The following CABCOCO1 variants were observed in gnomAD, a reference collection of about 807,000 sequenced individuals.
The protein encoded by CABCOCO1 is ciliary-associated calcium-binding coiled-coil protein 1.
Under a neutral mutation model 35.7 loss-of-function variants are expected in CABCOCO1, and 28 were observed. The ratio of observed to expected loss-of-function variants is 0.78; its 90% CI spans 0.58 to 1.07. The LOEUF (loss-of-function observed/expected upper bound fraction) is 1.07, where lower values mean the gene tolerates loss of function less well. Among genes scored for constraint, CABCOCO1 ranks in the 50% least tolerant of loss-of-function variants. The pLI, the probability that CABCOCO1 is intolerant of heterozygous loss-of-function variation, is 0.00. For synonymous variants in CABCOCO1, 95 were observed against 100.1 expected (o/e 0.95, Z 0.30); for missense variants, 326 against 309.2 (o/e 1.05, Z -0.41).
At chr10:61,763,487 G>A (rs1842048986) in intron 7 of CABCOCO1, among the ~76,000 whole-genome samples, 1 of 151,958 alleles carries the variant, frequency 6.6e-6, no homozygotes, top group Admixed American at 6.6e-5. Context: ...CATTCAAAAT[G>A]AAATTATTTT....
At chr10:61,716,776 C>G (rs12764488) in intron 5 of CABCOCO1, among the ~76,000 whole-genome samples, 2,377 of 152,140 alleles carry the variant, frequency 0.016, 41 homozygotes, top group East Asian at 0.047. Context: ...TAATACCTCT[C>G]TCAAACTGCC....
intron 1 of CABCOCO1, among the ~76,000 whole-genome samples, chr10:61,672,244 T>C (rs1839382747): frequency 6.6e-6 from 1 of 152,190 alleles, no homozygotes; most frequent in East Asian, 1.9e-4. Flanking sequence ...TTACTTGTGT[T>C]CTTTTCTTCT....
At chr10:61,690,756 G>T (rs891620163) in intron 5 of CABCOCO1, 135 bp downstream of exon 5, 7 of 545,520 alleles carry the variant, frequency 1.3e-5, no homozygotes, top group African/African-American at 1.2e-4. Context: ...CTCGTAGTTT[G>T]CAAAAAGAAT....
At chr10:61,765,918 T>A in intron 7 of CABCOCO1, 21 bp from the exon 8 acceptor site, 1 of 1,606,242 alleles carries the variant, frequency 6.2e-7, no homozygotes, top group South Asian at 1.1e-5. Context: ...ATAACCACGT[T>A]TTTTATGATT....
intron 5 of CABCOCO1, among the ~76,000 whole-genome samples, chr10:61,702,937 A>C (rs376351794): frequency 1.4e-4 from 22 of 152,230 alleles, no homozygotes; most frequent in Admixed American, 5.2e-4. Context: ...AGGAAAAAAA[A>C]AACAACAACA....
At chr10:61,759,674 T>C (rs1461492342) in intron 5 of CABCOCO1, among the ~76,000 whole-genome samples, 1 of 152,014 alleles carries the variant, frequency 6.6e-6, no homozygotes, top group Non-Finnish European at 1.5e-5. Context: ...TGACATTAAG[T>C]GTATTAAACA....
intron 7 of CABCOCO1, among the ~76,000 whole-genome samples, chr10:61,762,636 C>T (rs1419048083): frequency 6.6e-6 from 1 of 152,060 alleles, no homozygotes; most frequent in African/African-American, 2.4e-5. Context: ...TCCTAGTAAA[C>T]TCCATGTGAG....
chr10:61,761,950 A>G (rs1331978631), intron 7 of CABCOCO1, among the ~76,000 whole-genome samples: 2 of 152,128 alleles, frequency 1.3e-5, no homozygotes, highest in Admixed American at 1.3e-4. Flanking sequence ...CCTCAGCTTA[A>G]TAAGGGGTGT....
At chr10:61,689,359 C>T (rs531337199) in intron 4 of CABCOCO1, among the ~76,000 whole-genome samples, 1 of 152,270 alleles carries the variant, frequency 6.6e-6, no homozygotes, top group Admixed American at 6.5e-5. Context: ...AATCAAAGTA[C>T]TGTCAAAAGC....
chr10:61,666,942 T>C (rs1589105874), intron 1 of CABCOCO1, among the ~76,000 whole-genome samples: 1 of 136,302 alleles, frequency 7.3e-6, no homozygotes. Context: ...TAAATATAAT[T>C]ATATATTATG....
At position 61,681,321 on chromosome 10, in the gene CABCOCO1, A is replaced by G. The variant is rs770179613; in HGVS notation, c.334+9A>G. 3 of 1,510,640 alleles carry G rather than the reference A, an allele frequency of 2.0e-6. No individual in the cohort carries two copies. Among genetic ancestry groups the G allele is most frequent in the Admixed American group, 4.1e-5 (2 of 49,122 alleles). 93.6% of individuals were successfully genotyped at this position (1,510,640 alleles called of 1,614,324 possible). On this transcript the variant is annotated intron_variant, in intron 3 of 7. Transcript: ENST00000648843. ...ACTTCAAAATCTTAAAAGTAAGTAC[A>G]CTATTTTCCTTTGAAGTAAAACAAA...
intron 7 of CABCOCO1, 130 bp downstream of exon 7, chr10:61,761,133 C>T (rs1373253796): frequency 1.1e-6 from 1 of 937,882 alleles, no homozygotes; most frequent in African/African-American, 1.7e-5. Flanking sequence ...AATTTAACAG[C>T]TTCACATAAT....
chr10:61,685,180 G>C (rs1839918875), intron 3 of CABCOCO1: 2 of 152,122 alleles, frequency 1.3e-5, no homozygotes, highest in African/African-American at 4.8e-5. Flanking sequence ...AAAAAAACTT[G>C]ATGTTTTACA....
intron 2 of CABCOCO1, among the ~76,000 whole-genome samples, chr10:61,678,509 T>C (rs1441279806): frequency 6.6e-6 from 1 of 152,064 alleles, no homozygotes; most frequent in African/African-American, 2.4e-5. Context: ...AAACTGACCA[T>C]ATTGACCTAA....
intron 5 of CABCOCO1, among the ~76,000 whole-genome samples, chr10:61,717,920 TAGCAGGGAAGAGACGACTCATCTTG>T (rs1840906440): frequency 6.6e-6 from 1 of 152,172 alleles, no homozygotes; most frequent in South Asian, 2.1e-4. Flanking sequence ...TTTAACCCAA[TAGCAGGGAAGAGACGACTCATCTTG>T]AGCAGGGTTA....
At chr10:61,702,881 A>G (rs1564541030) in intron 5 of CABCOCO1, among the ~76,000 whole-genome samples, 1 of 152,016 alleles carries the variant, frequency 6.6e-6, no homozygotes, top group Non-Finnish European at 1.5e-5. Flanking sequence ...ATGCAGCTGC[A>G]TCAGCACCAT....
At chr10:61,756,044 T>C (rs1436253342) in intron 5 of CABCOCO1, among the ~76,000 whole-genome samples, 1 of 152,010 alleles carries the variant, frequency 6.6e-6, no homozygotes, top group Non-Finnish European at 1.5e-5. Flanking sequence ...TTTCTTACGA[T>C]TTTATTTGCC....
At chr10:61,712,062 T>A (rs1187111019) in intron 5 of CABCOCO1, among the ~76,000 whole-genome samples, 2 of 152,140 alleles carry the variant, frequency 1.3e-5, no homozygotes, top group Non-Finnish European at 2.9e-5. Context: ...CGCCACACTG[T>A]CTTCCACAAT....
chr10:61,706,253 A>G (rs1408493852), intron 5 of CABCOCO1, among the ~76,000 whole-genome samples: 2 of 152,352 alleles, frequency 1.3e-5, no homozygotes, highest in East Asian at 3.9e-4. Flanking sequence ...CAGTTTATGA[A>G]AACGAACACC....
Sources: allele counts gnomAD v4.1 joint callset (sites outside exome capture counted in the v4.1 genomes callset), GRCh38; gene constraint gnomAD v4.1.1; transcripts MANE v1.5; gene names NCBI Gene and HGNC (gene_info 2026-07-23, HGNC 2026-07-21).